Variants in NFKBIZ observed in about 807,000 individuals in gnomAD.
NFKBIZ encodes NFKB inhibitor zeta.
NFKBIZ carries 19 observed loss-of-function variants against 76.8 expected under a neutral mutation model. The observed-to-expected ratio is 0.25, with a 90% CI of 0.17 to 0.36. The LOEUF is 0.36. NFKBIZ is among the 10% of genes least tolerant of loss of function. NFKBIZ has a pLI of 1.00. For missense variants in NFKBIZ, 829 were observed against 910.9 expected (o/e 0.91, Z 1.16); for synonymous variants, 368 against 354.8 (o/e 1.04, Z -0.42).
intron 1 of NFKBIZ, among the ~76,000 whole-genome samples, chr3:101,828,861 G>A (rs1041667247): frequency 6.6e-6 from 1 of 152,156 alleles, no homozygotes; most frequent in African/African-American, 2.4e-5. Context: ...AGTGGCTGAA[G>A]GTGCTGTCCC....
intron 2 of NFKBIZ, among the ~76,000 whole-genome samples, chr3:101,835,770 G>C (rs1408629249): frequency 6.6e-6 from 1 of 152,120 alleles, no homozygotes; most frequent in Non-Finnish European, 1.5e-5. Context: ...GTGAATTTTG[G>C]GGGGACACCA....
At chr3:101,846,964 G>A (rs1942860632), upstream of NFKBIZ, among the ~76,000 whole-genome samples, 1 of 152,220 alleles carries the variant, frequency 6.6e-6, no homozygotes, top group Middle Eastern at 3.2e-3. Context: ...GTCCTAGTCA[G>A]AGTCTGAAGG....
chr3:101,860,216 C>G lies in NFKBIZ; in HGVS notation c.*845C>G, dbSNP rs1943112763. On this transcript the variant is annotated 3_prime_UTR_variant, in exon 12 of 12. Coordinates refer to ENST00000326172, the MANE Select transcript of NFKBIZ (RefSeq NM_031419.4). ...TTTTCTCCCGAGACAGGGTCTTGCT[C>G]TGGCGCCCAGGCTGGAGTACAGTGG... 3 of 150,204 alleles carry G rather than the reference C, an allele frequency of 2.0e-5. No homozygotes were observed. Among genetic ancestry groups the G allele is most frequent in the East Asian group, 3.9e-4 (2 of 5,122 alleles). The allele number at this position is 150,204 out of a possible 1,614,324, so 9.3% of individuals were successfully genotyped here.
intron 2 of NFKBIZ, among the ~76,000 whole-genome samples, chr3:101,834,865 A>G (rs989326291): frequency 6.6e-6 from 1 of 152,106 alleles, no homozygotes; most frequent in Non-Finnish European, 1.5e-5. Context: ...AAACCCCTGA[A>G]TGGCTCCCCA....
chr3:101,845,534 C>T (rs1942839199), upstream of NFKBIZ, among the ~76,000 whole-genome samples: 1 of 152,004 alleles, frequency 6.6e-6, no homozygotes, highest in Admixed American at 6.5e-5. Flanking sequence ...CTTCTGGGCT[C>T]AAGCAATACT....
chr3:101,855,039 T>C, intron 6 of NFKBIZ, 23 bp from the exon 7 acceptor site: 2 of 1,570,370 alleles, frequency 1.3e-6, no homozygotes, highest in Non-Finnish European at 1.7e-6. Flanking sequence ...TTAAAATATC[T>C]TTTTTCCTCT....
chr3:101,855,661 A>T, intron 8 of NFKBIZ, 72 bp from the exon 9 acceptor site: 5 of 1,481,590 alleles, frequency 3.4e-6, no homozygotes, highest in Non-Finnish European at 4.6e-6. Context: ...CATCCTCAGC[A>T]TTTGTCATTA....
Position 101,857,095 on chromosome 3 carries a change from C to T in NFKBIZ, c.1847C>T (p.Ala616Val), listed in dbSNP as rs1943060428. Residue 616 changes from alanine to valine, a missense_variant, in exon 10 of 12, where the codon GCC becomes GTC. By Grantham distance (64) the Ala-to-Val change is moderately conservative (BLOSUM62 0). Around this residue, in one of 4 missense-constraint regions of NFKBIZ, gnomAD observed 272 missense variants for 384.2 expected, o/e 0.71. Coordinates refer to ENST00000326172, the MANE Select transcript of NFKBIZ (RefSeq NM_031419.4). The part of the protein sequence containing the change: ...EAKDRKSGRT[A>V]LHLAAEEANL... ...AAGGATCGCAAAAGTGGCCGCACAG[C>T]CCTGCATTTGGCAGCTGAAGAAGCA... The T allele has an allele frequency of 1.9e-6, 3 of 1,613,700 alleles. No homozygotes were observed. The highest frequency in any genetic ancestry group is 2.5e-6 in the Non-Finnish European group (3 of 1,179,896).
intron 1 of NFKBIZ, among the ~76,000 whole-genome samples, chr3:101,851,247 C>G (rs1224295307): frequency 6.6e-6 from 1 of 152,186 alleles, no homozygotes; most frequent in African/African-American, 2.4e-5. Flanking sequence ...AACACACATA[C>G]TAAGAGGTTG....
At chr3:101,847,871 C>G (rs377394380), upstream of NFKBIZ, among the ~76,000 whole-genome samples, 1 of 152,196 alleles carries the variant, frequency 6.6e-6, no homozygotes. Flanking sequence ...CCCCCTTCGT[C>G]CTAAAACCCA....
intron 2 of NFKBIZ, 40 bp downstream of exon 2, chr3:101,852,264 G>C: frequency 6.2e-7 from 1 of 1,604,914 alleles, no homozygotes; most frequent in Non-Finnish European, 8.5e-7. Flanking sequence ...GAGTTGGGGA[G>C]AGGGGTTAGT....
At chr3:101,841,501 A>AT (rs1291080621) in intron 2 of NFKBIZ, among the ~76,000 whole-genome samples, 3 of 152,226 alleles carry the variant, frequency 2.0e-5, no homozygotes, top group Admixed American at 2.0e-4. Flanking sequence ...AGTACTTAGA[A>AT]AAGTACCTGA....
In NFKBIZ at chr3:101,852,105, G is replaced by C; in HGVS notation, c.310G>C (p.Gly104Arg). The C allele has an allele frequency of 1.2e-6, 2 of 1,614,212 alleles. No individual in the cohort carries two copies. Among genetic ancestry groups the C allele is most frequent in the Non-Finnish European group, 1.7e-6 (2 of 1,180,024 alleles). Reference protein sequence around the residue: ...RQPVEPHMGVGRQQRGPFQGV... With the variant: ...RQPVEPHMGVRRQQRGPFQGV... ...AACAGTTGAGCCCCATATGGGGGTT[G>C]GCAGGCAGCAGAGAGGCCCCTTTCA... Residue 104 changes from glycine to arginine, a missense_variant, in exon 2 of 12, where the codon GGC (glycine) becomes CGC (arginine). Gly to Arg is a moderately radical substitution (Grantham distance 125, BLOSUM62 -2). Coordinates refer to ENST00000326172, the MANE Select transcript of NFKBIZ (RefSeq NM_031419.4).
At position 101,855,447 on chromosome 3, in the gene NFKBIZ, C is replaced by T; in HGVS notation, c.1643C>T (p.Thr548Ile). 6.2e-7 allele frequency: 1 copy of T among 1,614,016 alleles called. No individual in the cohort carries two copies. The highest frequency in any genetic ancestry group is 2.2e-5 in the East Asian group (1 of 44,884). ...GSNQFVDLEATNYDGLTPLHC... is the reference protein window; with the variant it reads ...GSNQFVDLEAINYDGLTPLHC... ...AATCAGTTTGTGGATCTTGAGGCAA[C>T]TAACTATGATGGTAAGCAACTGAAA... The change falls in exon 8 of 12, where the codon ACT becomes ATT. Residue 548 changes from threonine (T) to isoleucine (I), a missense_variant. Physicochemically the swap from Thr to Ile is moderately conservative, Grantham distance 89 (BLOSUM62 -1). Coordinates refer to ENST00000326172, the MANE Select transcript of NFKBIZ (RefSeq NM_031419.4).
chr3:101,849,940 T>C lies in NFKBIZ; in HGVS notation c.289+23T>C, dbSNP rs1021009709. 7.3e-6 allele frequency: 10 copies of C among 1,369,148 alleles called. No individual in the cohort carries two copies. In the African/African-American group the frequency reaches 1.5e-4, roughly 21 times the overall value. 84.8% of individuals were successfully genotyped at this position (1,369,148 alleles called of 1,614,324 possible). A position where few individuals can be genotyped will look rare whatever the true frequency, so the allele number is the denominator to read the frequency against. Reference sequence around the variant, plus strand: ...CAGGTACCCGCCGGCCCCGCACCGCTGCGTACTCGGGGCGCGCACGCCTAG... The same window carrying C: ...CAGGTACCCGCCGGCCCCGCACCGCCGCGTACTCGGGGCGCGCACGCCTAG... On this transcript the variant is annotated intron_variant, in intron 1 of 11. Coordinates refer to ENST00000326172, the MANE Select transcript of NFKBIZ (RefSeq NM_031419.4).
At chr3:101,836,540 T>C (rs1362740248) in intron 2 of NFKBIZ, among the ~76,000 whole-genome samples, 2 of 152,230 alleles carry the variant, frequency 1.3e-5, no homozygotes, top group Admixed American at 6.5e-5. Flanking sequence ...GTATTCGCAG[T>C]ATCTGGAAGC....
At chr3:101,854,191 T>C (rs1576816891) in intron 5 of NFKBIZ, among the ~76,000 whole-genome samples, 1 of 152,102 alleles carries the variant, frequency 6.6e-6, no homozygotes, top group Non-Finnish European at 1.5e-5. Flanking sequence ...AAACTGTGAG[T>C]TGGTTTGTAG....
At chr3:101,834,953 TCTC>T (rs1468798606) in intron 2 of NFKBIZ, among the ~76,000 whole-genome samples, 2 of 152,174 alleles carry the variant, frequency 1.3e-5, no homozygotes, top group African/African-American at 2.4e-5. Flanking sequence ...GTCCTCCTCT[TCTC>T]CTATGTTCTC....
In NFKBIZ at chr3:101,853,997, A is replaced by G. The variant is rs190752479; in HGVS notation, c.1337+134A>G. The G allele has an allele frequency of 2.7e-3, 2,312 of 841,788 alleles. 4 individuals are homozygous for G. The highest frequency in any genetic ancestry group is 3.7e-3 in the Non-Finnish European group (2,035 of 550,906). 52.1% of individuals were successfully genotyped at this position (841,788 alleles called of 1,614,324 possible). ...GCTAACCAAGATGACTGGTGTAGAT[A>G]GAAACCGCCACTCAGTGATAGCTAG... On this transcript the variant is annotated intron_variant, in intron 5 of 11. Transcript: ENST00000326172.
Sources: allele counts gnomAD v4.1 joint callset (sites outside exome capture counted in the v4.1 genomes callset), GRCh38; gene constraint gnomAD v4.1.1; regional missense constraint gnomAD v4.1.1; transcripts MANE v1.5; gene names NCBI Gene and HGNC (gene_info 2026-07-23, HGNC 2026-07-21).